Variants in NOX4 observed in about 807,000 individuals in gnomAD.
NOX4 encodes the protein NADPH oxidase 4, also known as kidney oxidase-1.
NOX4 carries 69 observed loss-of-function variants against 87.6 expected under a neutral mutation model. The ratio of observed to expected loss-of-function variants is 0.79; its 90% confidence interval spans 0.65 to 0.96. The LOEUF (loss-of-function observed/expected upper bound fraction) is 0.96. NOX4 is among the 40% of genes least tolerant of loss of function. The probability of loss-of-function intolerance (pLI) is 0.00; values close to 1 mark genes in which losing one functional copy is unlikely to be tolerated. For missense variants in NOX4, 680 were observed against 681.5 expected (o/e 1.00, Z 0.02); for synonymous variants, 275 against 238.2 (o/e 1.15, Z -1.42).
chr11:89,438,787 A>C (rs1396885366), intron 6 of NOX4, among the ~76,000 whole-genome samples: 1 of 10,358 alleles, frequency 9.7e-5, no homozygotes, highest in Non-Finnish European at 1.6e-4. Flanking sequence ...ATAATAATAT[A>C]TAGTGTATAA....
chr11:89,410,028 C>T (rs1942392281), intron 8 of NOX4, among the ~76,000 whole-genome samples: 1 of 151,432 alleles, frequency 6.6e-6, no homozygotes, highest in Non-Finnish European at 1.5e-5. Context: ...TTGAGACCAG[C>T]CTGAGCAACA....
chr11:89,523,880 A>T, the NOX4 span, among the ~76,000 whole-genome samples: 1 of 152,230 alleles, frequency 6.6e-6, no homozygotes. Context: ...ACACACAAAC[A>T]TATGTATAGC....
intron 13 of NOX4, among the ~76,000 whole-genome samples, chr11:89,352,873 G>A (rs573520383): frequency 5.3e-5 from 8 of 152,226 alleles, no homozygotes; most frequent in African/African-American, 1.7e-4. Context: ...AGGCTGGAGC[G>A]CAGTGGCACA....
chr11:89,395,355 C>T (rs1054624450), intron 11 of NOX4, among the ~76,000 whole-genome samples: 3 of 151,866 alleles, frequency 2.0e-5, no homozygotes, highest in East Asian at 1.9e-4. Context: ...GGGTTGTTTG[C>T]TTTTTTCTTG....
the NOX4 span, among the ~76,000 whole-genome samples, chr11:89,535,776 A>G: frequency 6.6e-6 from 1 of 152,236 alleles, no homozygotes; most frequent in African/African-American, 2.4e-5. Context: ...TTGAAATTAG[A>G]TAACAAATAT....
chr11:89,463,859 C>T (rs927096467), intron 2 of NOX4, among the ~76,000 whole-genome samples: 5 of 151,892 alleles, frequency 3.3e-5, no homozygotes. Context: ...AAATAATTAT[C>T]ATTTGAGAGT....
At chr11:89,402,615 T>C in intron 8 of NOX4, 73 bp from the exon 9 acceptor site, 3 of 1,221,134 alleles carry the variant, frequency 2.5e-6, no homozygotes, top group Non-Finnish European at 3.6e-6. Context: ...TAAAAGAAAA[T>C]AATGTTTTTG....
chr11:89,389,015 A>G (rs926156391), intron 11 of NOX4, among the ~76,000 whole-genome samples: 1 of 152,208 alleles, frequency 6.6e-6, no homozygotes, highest in African/African-American at 2.4e-5. Flanking sequence ...CACAGTCATA[A>G]TACTAGGAAG....
In NOX4 at chr11:89,350,839, A is replaced by T. The variant is rs555404597; in HGVS notation, c.1217+4123T>A. Among the ~76,000 whole-genome samples, 5 of 152,272 alleles carry T rather than the reference A, an allele frequency of 3.3e-5. No homozygotes were observed. In the South Asian group the frequency reaches 1.0e-3, roughly 32 times the overall value. On this transcript the variant is annotated intron_variant, in intron 13 of 17. Transcript: ENST00000263317. ...CAACTACCAACCATTTCTCCTTCTT[A>T]TTCCCTTACCTGGGACCATCCTCTT...
rs543429995 is a variant in NOX4 at position 89,421,407 on chromosome 11, TG to T, written c.629+494del. On this transcript the variant is annotated intron_variant, in intron 8 of 17. Coordinates refer to ENST00000263317, the MANE Select transcript of NOX4 (RefSeq NM_016931.5). ...TAGGATACATTATTTTTTCACTTTA[TG>T]TTTTTTTTCCTTGGTGATTTTGACA... Among the ~76,000 whole-genome samples the T allele has an allele frequency of 1.6e-3, 237 of 151,938 alleles. 1 individual carries two copies. Among genetic ancestry groups the T allele is most frequent in the African/African-American group, 5.5e-3 (230 of 41,556 alleles).
chr11:89,329,499 C>T (rs1945378078), intron 17 of NOX4, among the ~76,000 whole-genome samples: 1 of 148,508 alleles, frequency 6.7e-6, no homozygotes, highest in Admixed American at 6.7e-5. Flanking sequence ...AATAAAAGAT[C>T]TCATTAAATC....
Position 89,326,766 on chromosome 11 carries a change from G to T in NOX4, c.1727C>A (p.Ser576Tyr). 1.2e-6 allele frequency: 2 copies of T among 1,612,490 alleles called. No homozygotes were observed. Among genetic ancestry groups the T allele is most frequent in the Non-Finnish European group, 1.7e-6 (2 of 1,179,124 alleles). The change falls in exon 18 of 18, where the codon TCT (serine) becomes TAT (tyrosine). Residue 576 changes from serine (S) to tyrosine (Y), a missense_variant. Coordinates refer to ENST00000263317, the MANE Select transcript of NOX4 (RefSeq NM_016931.5). The stretch of plus-strand genomic sequence containing the variant: ...TCATGGCAAAAGTTTTCAGCTGAAA[G>T]ACTCTTTATTGTATTCAAATCTTGT... ...YGTRFEYNKE[S>Y]FS
At chr11:89,399,432 A>AAAAAATATAT (rs1290741300) in intron 11 of NOX4, among the ~76,000 whole-genome samples, 3 of 75,644 alleles carry the variant, frequency 4.0e-5, no homozygotes, top group African/African-American at 1.5e-4. Flanking sequence ...CAAGAAATTA[A>AAAAAATATAT]ATATATATAT....
At chr11:89,456,224 TAAG>T (rs1459100343) in intron 2 of NOX4, among the ~76,000 whole-genome samples, 1 of 152,094 alleles carries the variant, frequency 6.6e-6, no homozygotes. Flanking sequence ...TAAAATTGTT[TAAG>T]AAGGTAAATC....
chr11:89,489,124 T>C, intron 2 of NOX4: 1 of 580,676 alleles, frequency 1.7e-6, no homozygotes, highest in South Asian at 2.3e-5. Flanking sequence ...GATATTACTT[T>C]GTTGTATAAA....
chr11:89,521,789 A>G, the NOX4 span, among the ~76,000 whole-genome samples: 2 of 152,204 alleles, frequency 1.3e-5, no homozygotes, highest in Non-Finnish European at 2.9e-5. Flanking sequence ...GCATCCAACA[A>G]AAGTCTAATA....
At chr11:89,468,615 G>GA (rs1945803269) in intron 2 of NOX4, among the ~76,000 whole-genome samples, 1 of 151,916 alleles carries the variant, frequency 6.6e-6, no homozygotes, top group African/African-American at 2.4e-5. Flanking sequence ...ATACTCAAAA[G>GA]AAAAAAATGG....
chr11:89,466,934 G>A (rs991640710), intron 2 of NOX4, among the ~76,000 whole-genome samples: 2 of 152,154 alleles, frequency 1.3e-5, no homozygotes, highest in African/African-American at 4.8e-5. Flanking sequence ...TGAAAACATG[G>A]TGTATATGTA....
At chr11:89,487,653 A>G (rs1220825465) in intron 2 of NOX4, among the ~76,000 whole-genome samples, 2 of 152,224 alleles carry the variant, frequency 1.3e-5, no homozygotes, top group Non-Finnish European at 2.9e-5. Flanking sequence ...GACTCTCTTC[A>G]GGAATCCCAC....
Sources: gnomAD v4.1 joint callset for allele counts (sites outside exome capture counted in the v4.1 genomes callset) on GRCh38, gnomAD v4.1.1 for gene constraint, MANE v1.5 for transcripts, NCBI Gene and HGNC (gene_info 2026-07-23, HGNC 2026-07-21) for gene names.